Variants in NFX1 observed in about 807,000 individuals in gnomAD.
The protein encoded by NFX1 is nuclear transcription factor, X-box binding 1, also known as transcriptional repressor NF-X1.
A neutral mutation model predicts 137.2 loss-of-function variants in NFX1; 69 were observed. That is an observed-to-expected ratio of 0.50 (90% confidence interval 0.41 to 0.61). The LOEUF is 0.61. Ranked by LOEUF, NFX1 falls within the 20% of genes least tolerant of loss-of-function variation. The pLI, the probability that NFX1 is intolerant of heterozygous loss-of-function variation, is 0.00. For synonymous variants in NFX1, 495 were observed against 474.1 expected, an observed-to-expected ratio of 1.04 and a Z score of -0.57; for missense variants, 1,167 against 1,391.0, an observed-to-expected ratio of 0.84 and a Z score of 2.56.
chr9:33,295,522 G>A (rs569278498), intron 2 of NFX1, 95 bp downstream of exon 2: 2 of 1,331,616 alleles, frequency 1.5e-6, no homozygotes, highest in Admixed American at 5.3e-5. Context: ...CAGAAAGTAT[G>A]GAAAGTTACA....
At chr9:33,298,742 CCA>C (rs1348973587) in intron 2 of NFX1, among the ~76,000 whole-genome samples, 1 of 152,114 alleles carries the variant, frequency 6.6e-6, no homozygotes, top group Non-Finnish European at 1.5e-5. Context: ...AGTGGTTGTG[CCA>C]CTGCACTCTA....
In NFX1 at chr9:33,364,744, A is replaced by G. The variant is rs138260842; in HGVS notation, c.3009A>G (p.Glu1003=). ...AGTTTGTCAGTGACGTTGAGAAGGA[A>G]ATGGAAACCCTCGTGGAGGCCGTGA... ...DLKFVSDVEK[E]METLVEAVNK... Residue 1003 remains glutamate, a synonymous_variant, in exon 21 of 24, where the codon GAA becomes GAG. Coordinates refer to ENST00000379540, the MANE Select transcript of NFX1 (RefSeq NM_002504.6). 3.6e-4 allele frequency: 578 copies of G among 1,613,878 alleles called. No individual in the cohort carries two copies. The highest frequency in any genetic ancestry group is 4.6e-4 in the Non-Finnish European group (541 of 1,179,982).
At chr9:33,354,024 A>G (rs977975288) in intron 17 of NFX1, 62 bp from the exon 18 acceptor site, 8 of 1,455,868 alleles carry the variant, frequency 5.5e-6, no homozygotes, top group South Asian at 3.9e-5. Flanking sequence ...CTGTATCCCA[A>G]GTATAAGGAG....
At chr9:33,334,981 G>T (rs557218036) in intron 11 of NFX1, among the ~76,000 whole-genome samples, 56 of 152,158 alleles carry the variant, frequency 3.7e-4, no homozygotes, top group African/African-American at 1.3e-3. Context: ...TTTACCTCTC[G>T]TTTTCATCCA....
intron 5 of NFX1, among the ~76,000 whole-genome samples, chr9:33,308,615 G>A (rs1351048610): frequency 4.6e-5 from 7 of 152,024 alleles, no homozygotes; most frequent in Non-Finnish European, 7.4e-5. Flanking sequence ...ATGTAACCTT[G>A]GACAAGTTAT....
chr9:33,294,723 G>A lies in NFX1; in HGVS notation c.329G>A (p.Arg110Lys). ...GLQNQPWQKL[R>K]NEKHHIRVKK... ...CAGAATCAACCTTGGCAGAAATTGAGGAATGAGAAGCACCATATCAGAGTC... is the reference window on the plus strand; with the variant it reads ...CAGAATCAACCTTGGCAGAAATTGAAGAATGAGAAGCACCATATCAGAGTC... Residue 110 changes from arginine to lysine, a missense_variant, in exon 2 of 24, where the codon AGG (arginine) becomes AAG (lysine). Arg to Lys is a conservative substitution (Grantham distance 26). Around this residue, in one of 3 missense-constraint regions of NFX1, gnomAD observed 367 missense variants for 386.7 expected, o/e 0.95. Transcript: ENST00000379540. 1 of 1,614,078 alleles carries A rather than the reference G, an allele frequency of 6.2e-7. No individual in the cohort carries two copies. Among genetic ancestry groups the A allele is most frequent in the Non-Finnish European group, 8.5e-7 (1 of 1,180,044 alleles).
At chr9:33,352,506 A>T in intron 16 of NFX1, 140 bp from the exon 17 acceptor site, 1 of 735,120 alleles carries the variant, frequency 1.4e-6, no homozygotes, top group Non-Finnish European at 2.5e-6. Context: ...ATGTGTGGTT[A>T]GCTTCTTCCA....
intron 9 of NFX1, among the ~76,000 whole-genome samples, chr9:33,325,629 A>C (rs1201703614): frequency 6.6e-6 from 1 of 152,158 alleles, no homozygotes; most frequent in Non-Finnish European, 1.5e-5. Context: ...GCGCCACTGC[A>C]CTCCAGCCTG....
intron 1 of NFX1, among the ~76,000 whole-genome samples, chr9:33,293,951 C>T (rs974094281): frequency 1.3e-5 from 2 of 152,176 alleles, no homozygotes; most frequent in African/African-American, 2.4e-5. Flanking sequence ...AAAGCAGGCA[C>T]GTGATATCCC....
intron 2 of NFX1, among the ~76,000 whole-genome samples, chr9:33,300,934 T>C (rs1029130547): frequency 2.0e-5 from 3 of 152,188 alleles, no homozygotes; most frequent in Non-Finnish European, 2.9e-5. Context: ...AAATAGAAAA[T>C]GCAAAGCAAG....
At chr9:33,363,968 C>T in intron 19 of NFX1, 42 bp from the exon 20 acceptor site, 4 of 1,379,416 alleles carry the variant, frequency 2.9e-6, no homozygotes, top group Non-Finnish European at 3.0e-6. Context: ...AGATAGTTTC[C>T]CTCCCACTCC....
Position 33,294,489 on chromosome 9 carries a change from G to T in NFX1, c.95G>T (p.Cys32Phe), listed in dbSNP as rs1251268969. 5.6e-6 allele frequency: 9 copies of T among 1,611,556 alleles called. No homozygotes were observed. The highest frequency in any genetic ancestry group is 7.6e-6 in the Non-Finnish European group (9 of 1,179,266). Residue 32 changes from cysteine to phenylalanine, a missense_variant, in exon 2 of 24, where the codon TGT (cysteine) becomes TTT (phenylalanine). Cys to Phe is a radical substitution (Grantham distance 205, BLOSUM62 -2). Coordinates refer to ENST00000379540, the MANE Select transcript of NFX1 (RefSeq NM_002504.6). ...PQEKKNSGLN[C>F]GTQRRLDSNR... ...GAGAAAAAAAATTCTGGTCTAAATT[G>T]TGGGACTCAAAGGAGACTAGACTCT...
Position 33,318,890 on chromosome 9 carries a change from A to G in NFX1, c.1689-20A>G. ...CTGCACTTTATGCAACAATTATGTA[A>G]TAGTGTGTTTTCTTAACAGGGACTT... On this transcript the variant is annotated intron_variant, in intron 8 of 23. Coordinates refer to ENST00000379540, the MANE Select transcript of NFX1 (RefSeq NM_002504.6). 1 of 1,614,148 alleles carries G rather than the reference A, an allele frequency of 6.2e-7. No individual in the cohort carries two copies. The highest frequency in any genetic ancestry group is 8.5e-7 in the Non-Finnish European group (1 of 1,179,978).
chr9:33,320,970 T>C (rs1677677934), intron 9 of NFX1, among the ~76,000 whole-genome samples: 1 of 152,232 alleles, frequency 6.6e-6, no homozygotes, highest in Admixed American at 6.5e-5. Context: ...TATTTTAATA[T>C]ACATTCCAGC....
intron 17 of NFX1, 131 bp from the exon 18 acceptor site, chr9:33,353,955 G>A (rs1564144192): frequency 2.7e-6 from 2 of 742,308 alleles, no homozygotes; most frequent in Non-Finnish European, 4.2e-6. Flanking sequence ...TTCCCAAAGT[G>A]CTGGGCTTAC....
At chr9:33,297,859 T>G (rs1171993671) in intron 2 of NFX1, among the ~76,000 whole-genome samples, 1 of 152,168 alleles carries the variant, frequency 6.6e-6, no homozygotes, top group Non-Finnish European at 1.5e-5. Flanking sequence ...CTTACTTGAT[T>G]AAGTCAGGCC....
intron 2 of NFX1, among the ~76,000 whole-genome samples, chr9:33,298,757 C>T (rs1162585089): frequency 6.6e-6 from 1 of 152,020 alleles, no homozygotes; most frequent in Non-Finnish European, 1.5e-5. Context: ...GCACTCTAGC[C>T]TGGGTGACAG....
chr9:33,345,167 A>C (rs1270142909), intron 14 of NFX1, among the ~76,000 whole-genome samples: 1 of 106,094 alleles, frequency 9.4e-6, no homozygotes, highest in Non-Finnish European at 2.4e-5. Context: ...ATCTCAAAAA[A>C]AGAAAAGAAA....
intron 10 of NFX1, among the ~76,000 whole-genome samples, chr9:33,331,701 T>C (rs1308335681): frequency 6.6e-6 from 1 of 152,108 alleles, no homozygotes; most frequent in Non-Finnish European, 1.5e-5. Flanking sequence ...CTGCTTTTTT[T>C]TTTTTTTTCA....
Sources: gnomAD v4.1 joint callset for allele counts (sites outside exome capture counted in the v4.1 genomes callset) on GRCh38, gnomAD v4.1.1 for gene constraint, gnomAD v4.1.1 regional missense constraint, MANE v1.5 for transcripts, NCBI Gene and HGNC (gene_info 2026-07-23, HGNC 2026-07-21) for gene names.